Variants in VMP1 observed in about 807,000 individuals in gnomAD.
VMP1 encodes the protein ectopic P-granules autophagy protein 3 homolog.
Under a neutral mutation model 56.0 loss-of-function variants are expected in VMP1, and 11 were observed. That is an observed-to-expected ratio of 0.20 (90% CI 0.12 to 0.32). The LOEUF is 0.32. Among genes scored for constraint, VMP1 ranks in the 10% least tolerant of loss-of-function variants. VMP1 has a pLI of 1.00. For synonymous variants in VMP1, 149 were observed against 165.0 expected (o/e 0.90, Z 0.74); for missense variants, 296 against 490.3 (o/e 0.60, Z 3.74).
At chr17:59,743,072 A>G (rs867006491) in intron 5 of VMP1, among the ~76,000 whole-genome samples, 6 of 152,258 alleles carry the variant, frequency 3.9e-5, no homozygotes, top group South Asian at 2.1e-4. Context: ...AGTGTAATTT[A>G]TTTGTTACAA....
chr17:59,767,934 C>A (rs979459795), intron 6 of VMP1, among the ~76,000 whole-genome samples: 2 of 150,912 alleles, frequency 1.3e-5, no homozygotes, highest in African/African-American at 4.9e-5. Context: ...CATGGTGAAA[C>A]CCCATCTCTA....
intron 7 of VMP1, among the ~76,000 whole-genome samples, chr17:59,786,390 C>T (rs2037007791): frequency 6.6e-6 from 1 of 152,192 alleles, no homozygotes; most frequent in Admixed American, 6.5e-5. Flanking sequence ...TGTGCGGTTG[C>T]AGTTGCCTAC....
intron 5 of VMP1, among the ~76,000 whole-genome samples, chr17:59,757,272 GATA>G (rs2035877503): frequency 1.3e-5 from 2 of 152,058 alleles, no homozygotes; most frequent in Admixed American, 1.3e-4. Context: ...TAGATAGATA[GATA>G]GATAGATAGA....
At chr17:59,798,857 G>A (rs1459723979) in intron 7 of VMP1, among the ~76,000 whole-genome samples, 1 of 152,166 alleles carries the variant, frequency 6.6e-6, no homozygotes, top group East Asian at 1.9e-4. Context: ...TTACACTCCA[G>A]CCTGAGCAAC....
intron 7 of VMP1, among the ~76,000 whole-genome samples, chr17:59,805,684 TATAAA>T (rs2037821527): frequency 6.6e-6 from 1 of 151,100 alleles, no homozygotes; most frequent in Non-Finnish European, 1.5e-5. Flanking sequence ...AGGAAATTAA[TATAAA>T]AGAAAGCAGG....
At chr17:59,760,122 CA>C (rs11291457) in intron 5 of VMP1, among the ~76,000 whole-genome samples, 63,521 of 134,894 alleles carry the variant, frequency 0.47, 16,322 homozygotes, top group African/African-American at 0.73. Flanking sequence ...GACCCTTTCT[CA>C]AAAAAAAAAA....
At chr17:59,832,031 C>T (rs979883474) in intron 10 of VMP1, among the ~76,000 whole-genome samples, 5 of 151,334 alleles carry the variant, frequency 3.3e-5, no homozygotes, top group African/African-American at 1.2e-4. Flanking sequence ...TACAGGCATG[C>T]GCCACCATGC....
chr17:59,730,440 A>C (rs1205628873), intron 1 of VMP1, among the ~76,000 whole-genome samples: 1 of 151,960 alleles, frequency 6.6e-6, no homozygotes, highest in African/African-American at 2.4e-5. Context: ...TAATTTATTT[A>C]TCTTATGTAG....
chr17:59,757,157 G>C (rs16943835), intron 5 of VMP1, among the ~76,000 whole-genome samples: 5,605 of 151,968 alleles, frequency 0.037, 374 homozygotes, highest in African/African-American at 0.13. Flanking sequence ...GTGGCACAAG[G>C]ATTTCTTTCT....
chr17:59,823,723 C>G (rs953896818), intron 10 of VMP1, among the ~76,000 whole-genome samples: 1 of 151,872 alleles, frequency 6.6e-6, no homozygotes, highest in African/African-American at 2.4e-5. Context: ...TGCACTCCAA[C>G]CTGGGTGACA....
chr17:59,791,363 A>G (rs909556921), intron 7 of VMP1, among the ~76,000 whole-genome samples: 1 of 151,006 alleles, frequency 6.6e-6, no homozygotes, highest in Non-Finnish European at 1.5e-5. Flanking sequence ...TAATTTTTTT[A>G]TATTTTTAGT....
At chr17:59,750,384 C>T (rs1598336524) in intron 5 of VMP1, among the ~76,000 whole-genome samples, 1 of 151,924 alleles carries the variant, frequency 6.6e-6, no homozygotes, top group African/African-American at 2.4e-5. Context: ...TCACTGCAAC[C>T]TCTGCCTCCT....
intron 7 of VMP1, among the ~76,000 whole-genome samples, chr17:59,785,429 T>G (rs1433141691): frequency 6.6e-6 from 1 of 152,120 alleles, no homozygotes; most frequent in East Asian, 1.9e-4. Context: ...ATCCCAGCAC[T>G]TTGGGAGGCC....
intron 7 of VMP1, among the ~76,000 whole-genome samples, chr17:59,797,156 A>AC (rs35957291): frequency 0.011 from 1,505 of 141,294 alleles, 17 homozygotes; most frequent in African/African-American, 0.022. Context: ...GCATGGTGAA[A>AC]CCCCCCCCCC....
chr17:59,830,697 A>G (rs2038779908), intron 10 of VMP1, among the ~76,000 whole-genome samples: 1 of 152,260 alleles, frequency 6.6e-6, no homozygotes, highest in African/African-American at 2.4e-5. Context: ...AGAAAGGAGC[A>G]GAGCCTATAT....
At chr17:59,790,488 T>C (rs974812106) in intron 7 of VMP1, among the ~76,000 whole-genome samples, 3 of 152,128 alleles carry the variant, frequency 2.0e-5, no homozygotes, top group African/African-American at 7.2e-5. Context: ...TAAATTTACC[T>C]CTCTGAAGGT....
chr17:59,761,006 G>A (rs148241686), intron 5 of VMP1, among the ~76,000 whole-genome samples: 2,051 of 150,982 alleles, frequency 0.014, 39 homozygotes, highest in African/African-American at 0.046. Context: ...GGGTTCAAGC[G>A]ATTCTCCTGC....
intron 7 of VMP1, among the ~76,000 whole-genome samples, chr17:59,779,880 C>T (rs2036758260): frequency 6.6e-6 from 1 of 152,128 alleles, no homozygotes; most frequent in Non-Finnish European, 1.5e-5. Flanking sequence ...AAGCTTATTG[C>T]CATCTAAAAG....
intron 8 of VMP1, among the ~76,000 whole-genome samples, chr17:59,810,178 G>A (rs1568190509): frequency 6.6e-6 from 1 of 151,938 alleles, no homozygotes; most frequent in African/African-American, 2.4e-5. Flanking sequence ...TTTTGAGACA[G>A]AGTCTCCCTC....
Sources: allele counts gnomAD v4.1 joint callset (sites outside exome capture counted in the v4.1 genomes callset), GRCh38; gene constraint gnomAD v4.1.1; transcripts MANE v1.5; gene names NCBI Gene and HGNC (gene_info 2026-07-23, HGNC 2026-07-21).